ATRN: variants seen among roughly 807,000 people sequenced by gnomAD.
ATRN encodes attractin.
In ATRN, 54 loss-of-function variants were observed where a neutral mutation model predicts 178.7. The observed-to-expected ratio is 0.30, with a 90% CI of 0.24 to 0.38. ATRN has a LOEUF of 0.38. ATRN is among the 10% of genes least tolerant of loss of function. The pLI is 1.00. For missense variants in ATRN, 1,443 were observed against 1,815.1 expected (o/e 0.79, Z 3.73); for synonymous variants, 636 against 663.0 (o/e 0.96, Z 0.63).
intron 1 of ATRN, among the ~76,000 whole-genome samples, chr20:3,472,080 T>A (rs2084438181): frequency 6.6e-6 from 1 of 152,140 alleles, no homozygotes; most frequent in Non-Finnish European, 1.5e-5. Context: ...GAAACTAGCC[T>A]TTTGGCAAAA....
chr20:3,485,700 C>A (rs2084683572), intron 1 of ATRN, among the ~76,000 whole-genome samples: 1 of 135,258 alleles, frequency 7.4e-6, no homozygotes, highest in African/African-American at 2.7e-5. Flanking sequence ...TGGCTCACTG[C>A]AACCTCTGCC....
chr20:3,490,646 G>A, intron 1 of ATRN: 1 of 896,894 alleles, frequency 1.1e-6, no homozygotes, highest in Non-Finnish European at 1.9e-6. Flanking sequence ...ACCAAGTTTT[G>A]TGCCTCTTCA....
In ATRN at chr20:3,562,299, C is replaced by T. The variant is rs967996054; in HGVS notation, c.1471C>T (p.His491Tyr). Reference protein sequence around the residue: ...DLDKNTWSILHTQGALVQGGY... With the variant: ...DLDKNTWSILYTQGALVQGGY... ...AGATAAGAACACATGGAGTATATTACACACCCAGGGTGCCCTTGTGCAAGG... is the reference window on the plus strand; with the variant it reads ...AGATAAGAACACATGGAGTATATTATACACCCAGGGTGCCCTTGTGCAAGG... The change falls in exon 9 of 29, where the codon CAC (histidine) becomes TAC (tyrosine). Residue 491 changes from histidine (H) to tyrosine (Y), a missense_variant. By Grantham distance (83) the His-to-Tyr change is moderately conservative (BLOSUM62 2). This residue lies in a region of ATRN where 862 missense variants were observed against 972.1 expected (regional missense o/e 0.89). Coordinates refer to ENST00000262919, the MANE Select transcript of ATRN (RefSeq NM_139321.3). The T allele has an allele frequency of 3.1e-6, 5 of 1,613,878 alleles. No homozygotes were observed. Among genetic ancestry groups the T allele is most frequent in the South Asian group, 1.1e-5 (1 of 91,062 alleles).
chr20:3,489,365 C>G (rs1262218287), intron 1 of ATRN, among the ~76,000 whole-genome samples: 1 of 152,154 alleles, frequency 6.6e-6, no homozygotes, highest in Non-Finnish European at 1.5e-5. Context: ...TAAAACACAT[C>G]TCAGCCCTGC....
Position 3,649,436 on chromosome 20 carries a change from A to G in ATRN, c.*2589A>G, listed in dbSNP as rs1186135780. On this transcript the variant is annotated 3_prime_UTR_variant, in exon 29 of 29. Transcript: ENST00000262919. ...AAGATGTTTTTGTGCCATATGCTGG[A>G]TATCCAGGTTCTCGCCAGGCCCCGA... The G allele has an allele frequency of 6.6e-6, 1 of 152,460 alleles. No homozygotes were observed. The highest frequency in any genetic ancestry group is 1.5e-5 in the Non-Finnish European group (1 of 68,050). The allele number at this position is 152,460 out of a possible 1,614,324, so 9.4% of individuals were successfully genotyped here.
At chr20:3,596,967 T>C (rs1358919800) in intron 21 of ATRN, among the ~76,000 whole-genome samples, 4 of 151,550 alleles carry the variant, frequency 2.6e-5, no homozygotes, top group South Asian at 2.1e-4. Flanking sequence ...GTTAATGTTA[T>C]GGCATATCCA....
At chr20:3,554,990 CTTTTTTTT>C (rs536209701) in intron 6 of ATRN, among the ~76,000 whole-genome samples, 5 of 67,458 alleles carry the variant, frequency 7.4e-5, no homozygotes, top group African/African-American at 1.4e-4. Context: ...GACCTGACCT[CTTTTTTTT>C]TTTTTTTTTT....
At position 3,565,647 on chromosome 20, in the gene ATRN, T is replaced by TC. The variant is rs141843651; in HGVS notation, c.1871+221dup. ...TGGGCTTGGTAGTGCGTGCCTGTAA[T>TC]CCCCCCTAGTTGGGAGGCTGAGGCA... On this transcript the variant is annotated intron_variant, in intron 11 of 28. Coordinates refer to ENST00000262919, the MANE Select transcript of ATRN (RefSeq NM_139321.3). Among the ~76,000 whole-genome samples, 627 of 151,728 alleles carry TC rather than the reference T, an allele frequency of 4.1e-3. 1 individual carries two copies. The highest frequency in any genetic ancestry group is 6.7e-3 in the Non-Finnish European group (456 of 67,890).
chr20:3,579,739 C>G (rs1441039834), intron 15 of ATRN, among the ~76,000 whole-genome samples: 1 of 152,174 alleles, frequency 6.6e-6, no homozygotes, highest in Non-Finnish European at 1.5e-5. Flanking sequence ...GAACAAAGCT[C>G]TTTCAGCAGT....
At chr20:3,484,545 C>G (rs1326497611) in intron 1 of ATRN, among the ~76,000 whole-genome samples, 4 of 152,124 alleles carry the variant, frequency 2.6e-5, no homozygotes, top group Admixed American at 2.6e-4. Context: ...AGTTTTGCCC[C>G]TGCTCCCCGT....
intron 23 of ATRN, among the ~76,000 whole-genome samples, chr20:3,603,777 C>A (rs191540588): frequency 1.2e-3 from 182 of 152,216 alleles, no homozygotes; most frequent in African/African-American, 4.1e-3. Context: ...TGTGAGCCAC[C>A]GCACCCGGCC....
intron 3 of ATRN, among the ~76,000 whole-genome samples, chr20:3,541,076 A>ATT (rs1331876349): frequency 2.5e-4 from 30 of 119,016 alleles, no homozygotes; most frequent in Non-Finnish European, 4.1e-4. Context: ...ATGATAGAGG[A>ATT]TTTTTTTTTT....
intron 11 of ATRN, among the ~76,000 whole-genome samples, chr20:3,571,498 T>TA (rs1407051290): frequency 6.6e-6 from 1 of 152,048 alleles, no homozygotes; most frequent in Non-Finnish European, 1.5e-5. Context: ...TGCCCAGCAG[T>TA]AGTGTGTGAG....
At chr20:3,472,399 T>G (rs2084443978) in intron 1 of ATRN, among the ~76,000 whole-genome samples, 1 of 152,208 alleles carries the variant, frequency 6.6e-6, no homozygotes, top group South Asian at 2.1e-4. Flanking sequence ...CATTCACGCC[T>G]TTGACAGGTA....
At chr20:3,556,038 T>C (rs235587) in intron 6 of ATRN, among the ~76,000 whole-genome samples, 107,804 of 151,960 alleles carry the variant, frequency 0.71, 39,263 homozygotes, top group East Asian at 1. Context: ...AATTGGGAGG[T>C]TGTAGGCCTA....
intron 1 of ATRN, among the ~76,000 whole-genome samples, chr20:3,472,690 G>A (rs1780776405): frequency 6.6e-6 from 1 of 152,222 alleles, no homozygotes; most frequent in African/African-American, 2.4e-5. Context: ...AGGCAACAGG[G>A]AACTTGTGGG....
At chr20:3,524,322 C>A (rs1194671130) in intron 1 of ATRN, among the ~76,000 whole-genome samples, 1 of 151,126 alleles carries the variant, frequency 6.6e-6, no homozygotes, top group Non-Finnish European at 1.5e-5. Context: ...CAAAGAAGGA[C>A]ATTACATAAT....
chr20:3,490,771 C>T, intron 1 of ATRN: 1 of 790,552 alleles, frequency 1.3e-6, no homozygotes, highest in Non-Finnish European at 2.3e-6. Context: ...TTATAGAATT[C>T]AGCAAACTCA....
intron 1 of ATRN, among the ~76,000 whole-genome samples, chr20:3,512,251 TC>T (rs2085144432): frequency 1.8e-5 from 2 of 111,886 alleles, no homozygotes; most frequent in Non-Finnish European, 1.8e-5. Flanking sequence ...ATGCTATCCC[TC>T]CCCCCTCCCC....
Sources: gnomAD v4.1 joint callset for allele counts (sites outside exome capture counted in the v4.1 genomes callset) on GRCh38, gnomAD v4.1.1 for gene constraint, gnomAD v4.1.1 regional missense constraint, MANE v1.5 for transcripts, NCBI Gene and HGNC (gene_info 2026-07-23, HGNC 2026-07-21) for gene names.